ARID2: variants seen among roughly 807,000 people sequenced by gnomAD.
The protein encoded by ARID2 is AT-rich interaction domain 2, also known as AT-rich interactive domain-containing protein 2.
Under a neutral mutation model 184.6 loss-of-function variants are expected in ARID2, and 32 were observed. That is an observed-to-expected ratio of 0.17 (90% confidence interval 0.13 to 0.23). The LOEUF (loss-of-function observed/expected upper bound fraction) is 0.23. Ranked by LOEUF, ARID2 falls within the 10% of genes least tolerant of loss-of-function variation. The pLI is 1.00. For missense variants in ARID2, 1,696 were observed against 2,197.6 expected, an observed-to-expected ratio of 0.77 and a Z score of 4.56; for synonymous variants, 836 against 772.6, an observed-to-expected ratio of 1.08 and a Z score of -1.36.
At chr12:45,768,870 T>C (rs1440426507) in intron 3 of ARID2, among the ~76,000 whole-genome samples, 3 of 152,318 alleles carry the variant, frequency 2.0e-5, no homozygotes, top group East Asian at 3.9e-4. Flanking sequence ...CAATTGGTGA[T>C]GCCTAACAAC....
chr12:45,900,218 G>A (rs551814054), intron 20 of ARID2, among the ~76,000 whole-genome samples: 9 of 151,992 alleles, frequency 5.9e-5, no homozygotes, highest in African/African-American at 1.9e-4. Context: ...CCACTACTAC[G>A]CCTGGCTAAT....
intron 20 of ARID2, among the ~76,000 whole-genome samples, chr12:45,902,525 T>C (rs1019798767): frequency 1.3e-5 from 2 of 151,980 alleles, no homozygotes; most frequent in African/African-American, 4.8e-5. Flanking sequence ...AAGTTATTTT[T>C]ATTTTGTAAA....
At position 45,851,839 on chromosome 12, in the gene ARID2, G is replaced by T. The variant is rs1943556859; in HGVS notation, c.3716G>T (p.Gly1239Val). 1 of 1,614,098 alleles carries T rather than the reference G, an allele frequency of 6.2e-7. No homozygotes were observed. Among genetic ancestry groups the T allele is most frequent in the Non-Finnish European group, 8.5e-7 (1 of 1,180,002 alleles). The change falls in exon 15 of 21, where the codon GGT becomes GTT. Residue 1239 changes from glycine (G) to valine (V), a missense_variant. By Grantham distance (109) the Gly-to-Val change is moderately radical (BLOSUM62 -3). This residue lies in a region of ARID2 where 428 missense variants were observed against 409.1 expected (regional missense o/e 1.05). Coordinates refer to ENST00000334344, the MANE Select transcript of ARID2 (RefSeq NM_152641.4). The stretch of plus-strand genomic sequence containing the variant: ...ACTACTGCTACTCCCCCATTCAAAG[G>T]TGATAAAATAATTTGCCAAAAGGAG... ...SCTTATPPFK[G>V]DKIICQKEEE...
rs1052865383 is a variant in ARID2 at position 45,907,072 on chromosome 12, A to C, written c.*1994A>C. 4 of 232,138 alleles carry C rather than the reference A, an allele frequency of 1.7e-5. No individual in the cohort carries two copies. The highest frequency in any genetic ancestry group is 8.8e-5 in the African/African-American group (4 of 45,310). 14.4% of individuals were successfully genotyped at this position (232,138 alleles called of 1,614,324 possible). ...CTGCCATGTCTCAAAGGAATGTTTG[A>C]GAAACTTCATCTAATATTAGTTATA... On this transcript the variant is annotated 3_prime_UTR_variant, in exon 21 of 21. Transcript: ENST00000334344.
chr12:45,813,546 A>G (rs1412024312), intron 4 of ARID2, among the ~76,000 whole-genome samples: 1 of 151,742 alleles, frequency 6.6e-6, no homozygotes, highest in Admixed American at 6.6e-5. Flanking sequence ...TTGAGAAGAT[A>G]TGTATTTACA....
chr12:45,733,968 A>G (rs1013485095), intron 3 of ARID2, among the ~76,000 whole-genome samples: 1 of 152,220 alleles, frequency 6.6e-6, no homozygotes, highest in African/African-American at 2.4e-5. Context: ...TGCCTGTATC[A>G]AAGTTTCTCA....
intron 16 of ARID2, among the ~76,000 whole-genome samples, chr12:45,873,116 T>C (rs1191644772): frequency 6.6e-6 from 1 of 152,238 alleles, no homozygotes; most frequent in African/African-American, 2.4e-5. Flanking sequence ...GTTTTCTTTA[T>C]CATTATGTAA....
chr12:45,899,514 G>A (rs1169961195), intron 20 of ARID2, among the ~76,000 whole-genome samples: 2 of 150,346 alleles, frequency 1.3e-5, no homozygotes, highest in African/African-American at 4.9e-5. Context: ...GCTGAGGCAG[G>A]AGAATGGCGT....
chr12:45,871,547 C>T (rs949725992), intron 16 of ARID2, among the ~76,000 whole-genome samples: 1 of 152,042 alleles, frequency 6.6e-6, no homozygotes, highest in East Asian at 1.9e-4. Flanking sequence ...TATATTCATG[C>T]AAGATTCTGG....
chr12:45,830,367 C>T (rs980058922), intron 6 of ARID2, among the ~76,000 whole-genome samples: 2 of 152,022 alleles, frequency 1.3e-5, no homozygotes, highest in Non-Finnish European at 2.9e-5. Context: ...TCGGGTAACT[C>T]GAGTAGTTAC....
intron 15 of ARID2, among the ~76,000 whole-genome samples, chr12:45,853,477 A>G (rs1489826882): frequency 6.6e-6 from 1 of 152,164 alleles, no homozygotes; most frequent in African/African-American, 2.4e-5. Context: ...CCTTTGCTTT[A>G]CTGTCCTATT....
Position 45,860,734 on chromosome 12 carries a change from AC to A in ARID2, c.4774-66del, listed in dbSNP as rs59337922. 3.9e-5 allele frequency: 50 copies of A among 1,298,410 alleles called. No homozygotes were observed. The East Asian group carries it at 1.4e-3, about 36-fold the overall frequency. 80.4% of individuals were successfully genotyped at this position (1,298,410 alleles called of 1,614,324 possible). Reference sequence around the variant, plus strand: ...ATAACAACATAATCAAATTTATAAGACTATACTATAAAATATGAATTTTTTC... The same window carrying A: ...ATAACAACATAATCAAATTTATAAGATATACTATAAAATATGAATTTTTTC... On this transcript the variant is annotated intron_variant, in intron 15 of 20. Coordinates refer to ENST00000334344, the MANE Select transcript of ARID2 (RefSeq NM_152641.4).
intron 3 of ARID2, among the ~76,000 whole-genome samples, chr12:45,763,680 A>G (rs1054866697): frequency 6.6e-6 from 1 of 151,970 alleles, no homozygotes; most frequent in South Asian, 2.1e-4. Context: ...TTGTAGACAC[A>G]GGGCTTTTCT....
intron 3 of ARID2, among the ~76,000 whole-genome samples, chr12:45,754,083 G>A (rs1361951952): frequency 6.6e-6 from 1 of 152,116 alleles, no homozygotes; most frequent in Non-Finnish European, 1.5e-5. Flanking sequence ...TGATTACTTG[G>A]AAAATAATGT....
At chr12:45,796,217 C>T (rs7962162) in intron 3 of ARID2, among the ~76,000 whole-genome samples, 1 of 151,832 alleles carries the variant, frequency 6.6e-6, no homozygotes, top group Admixed American at 6.6e-5. Flanking sequence ...TATTCACTTA[C>T]AAATATTTAA....
intron 2 of ARID2, among the ~76,000 whole-genome samples, chr12:45,730,645 G>C (rs1279603125): frequency 1.3e-5 from 2 of 151,990 alleles, no homozygotes; most frequent in East Asian, 3.9e-4. Context: ...CGGCAGCCGG[G>C]GGCACAGCCT....
intron 3 of ARID2, among the ~76,000 whole-genome samples, chr12:45,791,533 A>G (rs913695770): frequency 1.3e-5 from 2 of 152,112 alleles, no homozygotes; most frequent in Non-Finnish European, 2.9e-5. Context: ...AAATGTTCTT[A>G]TATCAGGGTT....
At position 45,821,472 on chromosome 12, in the gene ARID2, T is replaced by C; in HGVS notation, c.690T>C (p.Asp230=). 1.3e-6 allele frequency: 2 copies of C among 1,512,072 alleles called. No homozygotes were observed. The highest frequency in any genetic ancestry group is 2.8e-5 in the South Asian group (2 of 70,850). The allele number at this position is 1,512,072 out of a possible 1,614,324, so 93.7% of individuals were successfully genotyped here. A position where few individuals can be genotyped will look rare whatever the true frequency, so the allele number is the denominator to read the frequency against. The change falls in exon 6 of 21, where the codon GAT becomes GAC. Residue 230 remains aspartate (D), a synonymous_variant. Transcript: ENST00000334344. ...VFGEEWKEKT[D]RDFVKFWKDI... ...GAGAAGAATGGAAAGAGAAGACTGA[T>C]AGAGACTTCGTTAAGGTAAATCATT...
chr12:45,887,776 C>T (rs2138226082), intron 16 of ARID2, among the ~76,000 whole-genome samples: 1 of 152,336 alleles, frequency 6.6e-6, no homozygotes. Flanking sequence ...CGAGGCTCCA[C>T]CCCGTCCTTC....
Sources: gnomAD v4.1 joint callset for allele counts (sites outside exome capture counted in the v4.1 genomes callset) on GRCh38, gnomAD v4.1.1 for gene constraint, gnomAD v4.1.1 regional missense constraint, MANE v1.5 for transcripts, NCBI Gene and HGNC (gene_info 2026-07-23, HGNC 2026-07-21) for gene names.